The following NAALADL2 variants were observed in gnomAD, a reference collection of about 807,000 sequenced individuals.
NAALADL2 encodes the protein N-acetylated alpha-linked acidic dipeptidase like 2, also known as inactive N-acetylated-alpha-linked acidic dipeptidase-like protein 2.
Under a neutral mutation model 87.2 loss-of-function variants are expected in NAALADL2, and 76 were observed. The observed-to-expected ratio is 0.87, with a 90% CI of 0.72 to 1.05. The LOEUF (loss-of-function observed/expected upper bound fraction) is 1.05. Ranked by LOEUF, NAALADL2 falls within the 50% of genes least tolerant of loss-of-function variation. The pLI is 0.00. For synonymous variants in NAALADL2, 354 were observed against 331.0 expected (o/e 1.07, Z -0.75); for missense variants, 1,089 against 945.8 (o/e 1.15, Z -1.99).
intron 2 of NAALADL2, among the ~76,000 whole-genome samples, chr3:175,204,889 T>C (rs182603340): frequency 2.6e-5 from 4 of 151,780 alleles, no homozygotes; most frequent in Admixed American, 2.0e-4. Context: ...ATTAGGAATA[T>C]ACCAACTAAA....
chr3:174,483,963 T>G (rs1195843012), intron 1 of NAALADL2, among the ~76,000 whole-genome samples: 1 of 152,066 alleles, frequency 6.6e-6, no homozygotes, highest in African/African-American at 2.4e-5. Context: ...AATAGAGCTA[T>G]GTACCTCAGA....
chr3:175,287,771 C>T (rs1281927383), intron 4 of NAALADL2, among the ~76,000 whole-genome samples: 1 of 152,180 alleles, frequency 6.6e-6, no homozygotes, highest in Non-Finnish European at 1.5e-5. Flanking sequence ...ATACATTTGC[C>T]TTTGAATCTC....
chr3:175,478,253 C>T (rs935600012), intron 9 of NAALADL2, among the ~76,000 whole-genome samples: 5 of 151,878 alleles, frequency 3.3e-5, no homozygotes, highest in East Asian at 1.9e-4. Flanking sequence ...TTCTAGTCAA[C>T]GGAAGCGACC....
At chr3:175,455,923 G>A (rs1421701246) in intron 6 of NAALADL2, among the ~76,000 whole-genome samples, 1 of 151,970 alleles carries the variant, frequency 6.6e-6, no homozygotes, top group African/African-American at 2.4e-5. Flanking sequence ...AGGGACTCAA[G>A]TATATATAAT....
intron 5 of NAALADL2, among the ~76,000 whole-genome samples, chr3:175,414,475 G>GT (rs1215468937): frequency 1.3e-5 from 2 of 151,794 alleles, no homozygotes; most frequent in Non-Finnish European, 2.9e-5. Context: ...ACCTTGAAAT[G>GT]TTTTGCTTTT....
chr3:175,472,590 C>T (rs1215078444), intron 9 of NAALADL2, among the ~76,000 whole-genome samples: 1 of 151,380 alleles, frequency 6.6e-6, no homozygotes, highest in Non-Finnish European at 1.5e-5. Context: ...CTGAACTAGA[C>T]AAAGAGAGAG....
At chr3:175,790,220 A>G (rs987594287) in intron 13 of NAALADL2, among the ~76,000 whole-genome samples, 51 of 152,142 alleles carry the variant, frequency 3.4e-4, no homozygotes, top group African/African-American at 1.2e-3. Context: ...GATAATCTTC[A>G]GTGAAGCAGG....
chr3:175,585,212 G>A (rs941465180), intron 10 of NAALADL2, among the ~76,000 whole-genome samples: 9 of 151,676 alleles, frequency 5.9e-5, no homozygotes, highest in East Asian at 1.9e-4. Flanking sequence ...CACACTAACC[G>A]AGGCCTCCAC....
At chr3:174,762,445 G>A (rs147664886) in intron 3 of NAALADL2, among the ~76,000 whole-genome samples, 4 of 148,448 alleles carry the variant, frequency 2.7e-5, no homozygotes, top group South Asian at 2.2e-4. Context: ...GAGCCACCGC[G>A]CCCAGCAGCA....
At chr3:175,114,775 A>G (rs928914690) in intron 2 of NAALADL2, among the ~76,000 whole-genome samples, 3 of 151,640 alleles carry the variant, frequency 2.0e-5, no homozygotes, top group African/African-American at 7.2e-5. Context: ...GAAGATTGAG[A>G]CATTATTTAT....
At chr3:175,629,973 T>G (rs1340270141) in intron 11 of NAALADL2, among the ~76,000 whole-genome samples, 1 of 151,786 alleles carries the variant, frequency 6.6e-6, no homozygotes, top group Non-Finnish European at 1.5e-5. Context: ...TTGGAAAGAA[T>G]TATATGTCCA....
intron 2 of NAALADL2, among the ~76,000 whole-genome samples, chr3:175,130,765 A>G (rs958439607): frequency 6.6e-5 from 10 of 152,114 alleles, no homozygotes; most frequent in African/African-American, 2.4e-4. Context: ...ACTGGTATAT[A>G]TGTCTGTTTT....
At chr3:175,460,920 G>A (rs1404924586) in intron 6 of NAALADL2, among the ~76,000 whole-genome samples, 1 of 152,196 alleles carries the variant, frequency 6.6e-6, no homozygotes, top group African/African-American at 2.4e-5. Context: ...CAAGCAGGTT[G>A]CTGCTCCTGG....
intron 2 of NAALADL2, among the ~76,000 whole-genome samples, chr3:174,557,918 A>G (rs938438): frequency 0.96 from 145,412 of 152,246 alleles, 69,466 homozygotes; most frequent in East Asian, 1. Flanking sequence ...TCCTCCAGCA[A>G]TGATTTGTGA....
intron 5 of NAALADL2, among the ~76,000 whole-genome samples, chr3:175,363,965 C>A (rs1277992912): frequency 3.4e-5 from 5 of 148,124 alleles, no homozygotes; most frequent in Non-Finnish European, 7.5e-5. Context: ...GATTTGAGTC[C>A]TTTGGGAATT....
intron 5 of NAALADL2, among the ~76,000 whole-genome samples, chr3:175,332,504 T>C (rs1224728104): frequency 1.3e-5 from 2 of 152,208 alleles, no homozygotes; most frequent in Non-Finnish European, 2.9e-5. Context: ...TCTCACTATG[T>C]TGCCCAGTCT....
chr3:174,839,642 C>A (rs1367532459), intron 3 of NAALADL2, among the ~76,000 whole-genome samples: 3 of 151,544 alleles, frequency 2.0e-5, no homozygotes, highest in Non-Finnish European at 4.4e-5. Context: ...TCAAAAAAAT[C>A]AGCAAGAAAA....
intron 7 of NAALADL2, among the ~76,000 whole-genome samples, chr3:175,465,111 G>C (rs552355494): frequency 1.3e-5 from 2 of 152,094 alleles, no homozygotes; most frequent in South Asian, 4.2e-4. Flanking sequence ...AATTAGCCGG[G>C]CATGGTGGCA....
intron 5 of NAALADL2, among the ~76,000 whole-genome samples, chr3:175,432,984 G>A (rs1236784094): frequency 6.6e-6 from 1 of 151,976 alleles, no homozygotes; most frequent in Admixed American, 6.6e-5. Context: ...CATCTTTGCT[G>A]GTTCATTTCA....
Sources: gnomAD v4.1 joint callset for allele counts (sites outside exome capture counted in the v4.1 genomes callset) on GRCh38, gnomAD v4.1.1 for gene constraint, MANE v1.5 for transcripts, NCBI Gene and HGNC (gene_info 2026-07-23, HGNC 2026-07-21) for gene names.